NPAT: variants seen among roughly 807,000 people sequenced by gnomAD.
NPAT encodes protein NPAT.
In NPAT, 52 loss-of-function variants were observed where a neutral mutation model predicts 130.7. The observed-to-expected ratio is 0.40, with a 90% confidence interval of 0.32 to 0.50. NPAT has a LOEUF of 0.50. Among genes scored for constraint, NPAT ranks in the 20% least tolerant of loss-of-function variants. NPAT has a pLI of 0.68. For synonymous variants in NPAT, 580 were observed against 584.8 expected (o/e 0.99, Z 0.12); for missense variants, 1,687 against 1,662.6 (o/e 1.01, Z -0.26).
At position 108,176,341 on chromosome 11, in the gene NPAT, C is replaced by G; in HGVS notation, c.1037G>C (p.Ser346Thr). 2 of 1,555,620 alleles carry G rather than the reference C, an allele frequency of 1.3e-6. No individual in the cohort carries two copies. Among genetic ancestry groups the G allele is most frequent in the Non-Finnish European group, 1.8e-6 (2 of 1,127,308 alleles). The part of the protein sequence containing the change: ...KTKNNKNISQ[S>T]ISSQPMESNP... Reference sequence around the variant, plus strand: ...GGATTCCATAGGTTGACTGGAAATACTTTGTGATATATTTTTATTATTCTT... The same window carrying G: ...GGATTCCATAGGTTGACTGGAAATAGTTTGTGATATATTTTTATTATTCTT... Residue 346 changes from serine (S) to threonine (T), a missense_variant, in exon 12 of 18, where the codon AGT becomes ACT. By Grantham distance (58) the Ser-to-Thr change is moderately conservative. This residue lies in a region of NPAT where 1,379 missense variants were observed against 1,346.6 expected (regional missense o/e 1.02). Transcript: ENST00000278612.
chr11:108,178,922 T>A (rs1397212888), intron 10 of NPAT, among the ~76,000 whole-genome samples: 1 of 152,038 alleles, frequency 6.6e-6, no homozygotes, highest in Non-Finnish European at 1.5e-5. Flanking sequence ...GCCAAAACAA[T>A]CTTGAAACAG....
chr11:108,185,182 T>C, intron 10 of NPAT, 50 bp downstream of exon 10: 1 of 1,233,178 alleles, frequency 8.1e-7, no homozygotes, highest in Non-Finnish European at 1.2e-6. Context: ...ACCATCAATC[T>C]TAAGTATAAG....
intron 10 of NPAT, among the ~76,000 whole-genome samples, chr11:108,183,623 G>A (rs778301597): frequency 6.6e-6 from 1 of 152,100 alleles, no homozygotes; most frequent in Non-Finnish European, 1.5e-5. Flanking sequence ...CCAACATGGT[G>A]AAACCTAGTC....
intron 1 of NPAT, among the ~76,000 whole-genome samples, chr11:108,200,102 T>C (rs968334123): frequency 1.3e-5 from 2 of 152,236 alleles, no homozygotes; most frequent in African/African-American, 4.8e-5. Flanking sequence ...TCCATTTGCA[T>C]TGGGCAAGAG....
intron 1 of NPAT, among the ~76,000 whole-genome samples, chr11:108,214,773 C>T (rs2078417871): frequency 6.6e-6 from 1 of 151,978 alleles, no homozygotes; most frequent in Admixed American, 6.6e-5. Flanking sequence ...GCTGGGATTA[C>T]AGACGCCTGC....
chr11:108,200,907 A>G (rs1262402088), intron 1 of NPAT, among the ~76,000 whole-genome samples: 3 of 152,128 alleles, frequency 2.0e-5, no homozygotes, highest in Non-Finnish European at 2.9e-5. Context: ...TTACACCCCA[A>G]CTGCCAGTAT....
chr11:108,188,042 CTTTTT>C, intron 7 of NPAT, 51 bp downstream of exon 7: 1 of 1,050,082 alleles, frequency 9.5e-7, no homozygotes. Context: ...TGATGTAATT[CTTTTT>C]TTTTTTTTTT....
At chr11:108,204,071 C>T (rs754886357) in intron 1 of NPAT, among the ~76,000 whole-genome samples, 4 of 152,122 alleles carry the variant, frequency 2.6e-5, no homozygotes, top group South Asian at 2.1e-4. Flanking sequence ...AACAGCACCC[C>T]GTCAGCAGAA....
intron 10 of NPAT, among the ~76,000 whole-genome samples, chr11:108,177,725 T>C (rs1423890910): frequency 6.6e-6 from 1 of 152,102 alleles, no homozygotes; most frequent in Non-Finnish European, 1.5e-5. Context: ...TTCCCTTTTT[T>C]TTTGTTTTGA....
intron 15 of NPAT, among the ~76,000 whole-genome samples, chr11:108,162,584 C>A (rs1400285821): frequency 2.0e-5 from 3 of 152,138 alleles, no homozygotes; most frequent in African/African-American, 7.2e-5. Context: ...GCGCCCCCAA[C>A]CATGCTCAGC....
chr11:108,215,391 G>A (rs536788395), intron 1 of NPAT, among the ~76,000 whole-genome samples: 3 of 152,246 alleles, frequency 2.0e-5, no homozygotes, highest in Non-Finnish European at 4.4e-5. Flanking sequence ...AGGGTGGGAG[G>A]AGGTAGAGGA....
At position 108,161,549 on chromosome 11, in the gene NPAT, T is replaced by G; in HGVS notation, c.3537A>C (p.Lys1179Asn). Residue 1179 changes from lysine (K) to asparagine (N), a missense_variant, in exon 17 of 18, where the codon AAA (lysine) becomes AAC (asparagine). Coordinates refer to ENST00000278612, the MANE Select transcript of NPAT (RefSeq NM_002519.3). ...TAGATAGTTTTGAATTTTCTGGATTTTTCTGTCTTTCTACATCGCTGCATA... is the reference window on the plus strand; with the variant it reads ...TAGATAGTTTTGAATTTTCTGGATTGTTCTGTCTTTCTACATCGCTGCATA... ...NELCSDVERQKNPENSKLSIG... is the reference protein window; with the variant it reads ...NELCSDVERQNNPENSKLSIG... The G allele has an allele frequency of 6.2e-7, 1 of 1,614,242 alleles. No homozygotes were observed. Among genetic ancestry groups the G allele is most frequent in the Non-Finnish European group, 8.5e-7 (1 of 1,180,048 alleles).
intron 12 of NPAT, 117 bp from the exon 13 acceptor site, chr11:108,173,968 G>T: frequency 1.2e-6 from 1 of 854,840 alleles, no homozygotes; most frequent in Non-Finnish European, 1.9e-6. Context: ...ATACCAGTAA[G>T]TGGAAGTCTG....
At position 108,161,072 on chromosome 11, in the gene NPAT, G is replaced by A. The variant is rs1325615989; in HGVS notation, c.4014C>T (p.Leu1338=). The change falls in exon 17 of 18, where the codon CTC becomes CTT. Residue 1338 remains leucine (L), a synonymous_variant. Coordinates refer to ENST00000278612, the MANE Select transcript of NPAT (RefSeq NM_002519.3). ...TAGTCCTAGAAATGGCTGCCCTGGA[G>A]AGAATCATTAATGTGTGGGCAGCCA... ...VNMAAHTLMI[L]SRAAISRTTS... 4 of 1,614,092 alleles carry A rather than the reference G, an allele frequency of 2.5e-6. 1 individual carries two copies. The South Asian group carries it at 3.3e-5, about 13-fold the overall frequency.
intron 1 of NPAT, among the ~76,000 whole-genome samples, chr11:108,221,291 TAAAG>T (rs1555049729): frequency 6.6e-6 from 1 of 152,096 alleles, no homozygotes; most frequent in Non-Finnish European, 1.5e-5. Flanking sequence ...CTCCCCACAA[TAAAG>T]AATTATGAGG....
At position 108,161,282 on chromosome 11, in the gene NPAT, G is replaced by A. The variant is rs759310067; in HGVS notation, c.3804C>T (p.Pro1268=). The A allele has an allele frequency of 1.9e-5, 30 of 1,614,006 alleles. No individual in the cohort carries two copies. Among genetic ancestry groups the A allele is most frequent in the Non-Finnish European group, 2.5e-5 (29 of 1,180,036 alleles). ...CCCCTGCCCCTGAGCCAGGTGTCCG[G>A]GGCACAGGTAAATCACTACTATCAG... The part of the protein sequence containing the change: ...RLADSSDLPV[P]RTPGSGAGEK... The change falls in exon 17 of 18, where the codon CCC becomes CCT. Residue 1268 remains proline, a synonymous_variant. Transcript: ENST00000278612.
intron 12 of NPAT, among the ~76,000 whole-genome samples, chr11:108,175,399 G>C (rs2134841136): frequency 6.6e-6 from 1 of 152,256 alleles, no homozygotes; most frequent in South Asian, 2.1e-4. Context: ...ACTTGCTGCT[G>C]AGTACAGAGC....
chr11:108,187,970 T>G (rs1038785001), intron 7 of NPAT, 128 bp downstream of exon 7: 62 of 709,472 alleles, frequency 8.7e-5, no homozygotes, highest in Admixed American at 1.7e-4. Context: ...TATTTTGGAA[T>G]AGTTCTAATA....
At chr11:108,163,068 A>ATTTATTTATTTAT (rs2077867897) in intron 15 of NPAT, among the ~76,000 whole-genome samples, 2 of 151,294 alleles carry the variant, frequency 1.3e-5, no homozygotes, top group African/African-American at 4.9e-5. Flanking sequence ...AGATTTATTT[A>ATTTATTTATTTAT]TTTATTTATT....
Sources: gnomAD v4.1 joint callset for allele counts (sites outside exome capture counted in the v4.1 genomes callset) on GRCh38, gnomAD v4.1.1 for gene constraint, gnomAD v4.1.1 regional missense constraint, MANE v1.5 for transcripts, NCBI Gene and HGNC (gene_info 2026-07-23, HGNC 2026-07-21) for gene names.